The following FLT1 variants were observed in gnomAD, a reference collection of about 807,000 sequenced individuals.
FLT1 encodes the protein vascular endothelial growth factor receptor 1.
FLT1 carries 49 observed loss-of-function variants against 156.3 expected under a neutral mutation model. The observed-to-expected ratio is 0.31, with a 90% CI of 0.25 to 0.40. The LOEUF (loss-of-function observed/expected upper bound fraction) is 0.40. Ranked by LOEUF, FLT1 falls within the 10% of genes least tolerant of loss-of-function variation. The pLI, the probability that FLT1 is intolerant of heterozygous loss-of-function variation, is 1.00. For synonymous variants in FLT1, 594 were observed against 583.8 expected (o/e 1.02, Z -0.25); for missense variants, 1,322 against 1,637.2 (o/e 0.81, Z 3.32).
chr13:28,311,460 TTCTTTCTTTCTC>T (rs1297670749), intron 27 of FLT1, 118 bp downstream of exon 27: 4 of 838,142 alleles, frequency 4.8e-6, no homozygotes, highest in Non-Finnish European at 7.4e-6. Flanking sequence ...TAATCTTTCT[TTCTTTCTTTCTC>T]TCTTTCTTTC....
At chr13:28,444,474 A>T (rs1878502075) in intron 3 of FLT1, among the ~76,000 whole-genome samples, 1 of 152,124 alleles carries the variant, frequency 6.6e-6, no homozygotes, top group Admixed American at 6.6e-5. Context: ...TGGACAGAAG[A>T]TTTTAAAAAG....
At chr13:28,376,320 CTGTT>C (rs1362220688) in intron 14 of FLT1, among the ~76,000 whole-genome samples, 2 of 152,308 alleles carry the variant, frequency 1.3e-5, no homozygotes, top group South Asian at 2.1e-4. Context: ...CACCCTCAGT[CTGTT>C]TAAGACAGAA....
At chr13:28,392,276 T>C (rs1874781381) in intron 12 of FLT1, among the ~76,000 whole-genome samples, 1 of 152,158 alleles carries the variant, frequency 6.6e-6, no homozygotes, top group South Asian at 2.1e-4. Context: ...AAAATGAAAA[T>C]CTAAGAATGT....
intron 3 of FLT1, among the ~76,000 whole-genome samples, chr13:28,450,097 G>C (rs1387200112): frequency 1.3e-5 from 2 of 152,176 alleles, no homozygotes; most frequent in Non-Finnish European, 2.9e-5. Flanking sequence ...AAGCAAGCAA[G>C]AAAGGTGAAA....
chr13:28,429,280 C>T (rs1259153736), intron 8 of FLT1, among the ~76,000 whole-genome samples: 5 of 152,158 alleles, frequency 3.3e-5, no homozygotes, highest in Non-Finnish European at 7.3e-5. Flanking sequence ...GCCAAATCAG[C>T]TCTGGTTAGG....
chr13:28,306,836 A>C, intron 28 of FLT1, 64 bp from the exon 29 acceptor site: 2 of 1,047,528 alleles, frequency 1.9e-6, no homozygotes, highest in Non-Finnish European at 3.0e-6. Flanking sequence ...GCTGAGCCTG[A>C]GGGATGATCC....
intron 1 of FLT1, among the ~76,000 whole-genome samples, chr13:28,484,742 G>T (rs542142507): frequency 6.6e-6 from 1 of 152,088 alleles, no homozygotes; most frequent in Non-Finnish European, 1.5e-5. Context: ...AGGCTTGAAG[G>T]CATGGTAGGA....
chr13:28,316,154 T>C (rs1871193844), intron 25 of FLT1, among the ~76,000 whole-genome samples: 1 of 152,236 alleles, frequency 6.6e-6, no homozygotes, highest in Non-Finnish European at 1.5e-5. Context: ...CCCGCTTCCC[T>C]ACGCTCAGGC....
intron 1 of FLT1, among the ~76,000 whole-genome samples, chr13:28,478,595 A>T (rs996143437): frequency 7.9e-5 from 12 of 151,596 alleles, no homozygotes; most frequent in African/African-American, 2.7e-4. Flanking sequence ...ACGTCTTATA[A>T]CCTGTCATGT....
intron 1 of FLT1, among the ~76,000 whole-genome samples, chr13:28,471,740 A>G (rs1880191763): frequency 1.3e-5 from 2 of 152,204 alleles, no homozygotes; most frequent in South Asian, 4.1e-4. Flanking sequence ...AATGCTTCAC[A>G]TGGCAGCCTA....
chr13:28,462,680 G>T lies in FLT1; in HGVS notation c.388+4223C>A, dbSNP rs200301127. ...AATTTAGTGTGGCAAACCTCCACCT[G>T]GCTGTGGGACCAAGTGGCCCCTTCC... On this transcript the variant is annotated intron_variant, in intron 3 of 29. Coordinates refer to ENST00000282397, the MANE Select transcript of FLT1 (RefSeq NM_002019.4). Among the ~76,000 whole-genome samples, 1,216 of 152,284 alleles carry T rather than the reference G, an allele frequency of 8.0e-3. 13 individuals carry two copies. Among genetic ancestry groups the T allele is most frequent in the South Asian group, 0.013 (64 of 4,820 alleles).
intron 14 of FLT1, among the ~76,000 whole-genome samples, chr13:28,377,878 C>T (rs150036517): frequency 2.2e-4 from 33 of 152,222 alleles, no homozygotes; most frequent in African/African-American, 7.2e-4. Context: ...GAGACTTAAT[C>T]TTTAATTTAC....
intron 13 of FLT1, chr13:28,389,014 A>C: frequency 3.8e-6 from 4 of 1,064,722 alleles, no homozygotes; most frequent in Non-Finnish European, 4.6e-6. Context: ...GAGAGGAGGG[A>C]GGGGACGTTG....
intron 1 of FLT1, among the ~76,000 whole-genome samples, chr13:28,487,728 ATACT>A (rs1881243772): frequency 6.6e-6 from 1 of 152,158 alleles, no homozygotes; most frequent in Admixed American, 6.5e-5. Context: ...ATTCTGCAGG[ATACT>A]TACCGCTGCT....
chr13:28,464,324 G>A (rs946384802), intron 3 of FLT1, among the ~76,000 whole-genome samples: 3 of 152,112 alleles, frequency 2.0e-5, no homozygotes, highest in South Asian at 2.1e-4. Flanking sequence ...AATTTTCTGC[G>A]AATGGTTGTG....
intron 1 of FLT1, among the ~76,000 whole-genome samples, chr13:28,483,781 GA>G (rs34058409): frequency 1.5e-4 from 23 of 152,124 alleles, no homozygotes; most frequent in Non-Finnish European, 2.9e-4. Flanking sequence ...ACTTGTTTAA[GA>G]AAAAGGCTCT....
rs928691767 is a variant in FLT1 at position 28,439,701 on chromosome 13, C to T, written c.389-1356G>A. ...GACAGACAGGGTGTGCAGACTCGCA[C>T]TATGTGCAGATGGAGGCAGAGACAG... is the stretch of plus-strand genomic sequence containing the variant. On this transcript the variant is annotated intron_variant, in intron 3 of 29. Coordinates refer to ENST00000282397, the MANE Select transcript of FLT1 (RefSeq NM_002019.4). This position sits in a 1 kb window ranked among gnomAD's most constrained non-coding sequence, Gnocchi z 4.1. 6.6e-6 allele frequency among the ~76,000 whole-genome samples: 1 copy of T among 152,158 alleles called. No individual in the cohort carries two copies. Among genetic ancestry groups the T allele is most frequent in the Non-Finnish European group, 1.5e-5 (1 of 68,040 alleles).
chr13:28,336,835 C>T (rs1872137203), intron 17 of FLT1, among the ~76,000 whole-genome samples: 1 of 151,370 alleles, frequency 6.6e-6, no homozygotes, highest in South Asian at 2.1e-4. Flanking sequence ...GCAACCTCCA[C>T]CTCCTGGGTT....
intron 22 of FLT1, 24 bp from the exon 23 acceptor site, chr13:28,321,609 C>G (rs1288734463): frequency 1.9e-6 from 3 of 1,612,532 alleles, no homozygotes; most frequent in Non-Finnish European, 2.5e-6. Context: ...GTTGCATAAT[C>G]AATGCATTTC....
Sources: allele counts gnomAD v4.1 joint callset (sites outside exome capture counted in the v4.1 genomes callset), GRCh38; gene constraint gnomAD v4.1.1; non-coding constraint Gnocchi (gnomAD v3.1); transcripts MANE v1.5; gene names NCBI Gene and HGNC (gene_info 2026-07-23, HGNC 2026-07-21).